The following LGR5 variants were observed in gnomAD, a reference collection of about 807,000 sequenced individuals.
LGR5 encodes leucine rich repeat containing G protein-coupled receptor 5.
LGR5 carries 54 observed loss-of-function variants against 76.7 expected under a neutral mutation model. The ratio of observed to expected loss-of-function variants is 0.70; its 90% CI spans 0.57 to 0.88. The LOEUF (loss-of-function observed/expected upper bound fraction) is 0.88, where lower values mean the gene tolerates loss of function less well. Ranked by LOEUF, LGR5 falls within the 40% of genes least tolerant of loss-of-function variation. The pLI is 0.00. For missense variants in LGR5, 1,078 were observed against 1,073.3 expected (o/e 1.00, Z -0.06); for synonymous variants, 406 against 421.9 (o/e 0.96, Z 0.46).
chr12:71,578,985 T>C (rs997218132), intron 15 of LGR5, 56 bp downstream of exon 15: 2 of 1,492,036 alleles, frequency 1.3e-6, no homozygotes, highest in African/African-American at 2.8e-5. Context: ...AAATAATAGA[T>C]GTATTATAGT....
chr12:71,471,416 G>A (rs1401165312), intron 1 of LGR5, among the ~76,000 whole-genome samples: 1 of 152,188 alleles, frequency 6.6e-6, no homozygotes, highest in African/African-American at 2.4e-5. Flanking sequence ...TATTCTGACA[G>A]AACTAGAGAC....
intron 1 of LGR5, among the ~76,000 whole-genome samples, chr12:71,500,193 T>G (rs1033612677): frequency 2.6e-5 from 4 of 151,968 alleles, no homozygotes; most frequent in African/African-American, 9.7e-5. Flanking sequence ...AACAAAAACA[T>G]TTTTAAGGGA....
intron 1 of LGR5, among the ~76,000 whole-genome samples, chr12:71,502,562 G>T (rs1874658260): frequency 6.6e-6 from 1 of 152,092 alleles, no homozygotes; most frequent in Non-Finnish European, 1.5e-5. Context: ...GCTAATCATA[G>T]GGTCTCAAGC....
In LGR5 at chr12:71,538,594, C is replaced by A. The variant is rs1244679072; in HGVS notation, c.428+3408C>A. ...GGAAAACTATTGACCTGACCTGGAG[C>A]ATTCCCTCAGATGATCTGCAAAGTA... On this transcript the variant is annotated intron_variant, in intron 4 of 17. Coordinates refer to ENST00000266674, the MANE Select transcript of LGR5 (RefSeq NM_003667.4). Among the ~76,000 whole-genome samples, 3 of 152,308 alleles carry A rather than the reference C, an allele frequency of 2.0e-5. No homozygotes were observed. In the East Asian group the frequency reaches 5.8e-4, roughly 29 times the overall value.
intron 1 of LGR5, among the ~76,000 whole-genome samples, chr12:71,443,271 T>C (rs1338926560): frequency 6.6e-6 from 1 of 152,224 alleles, no homozygotes; most frequent in Non-Finnish European, 1.5e-5. Context: ...ACACTATTTA[T>C]GTGCCATTTT....
chr12:71,456,392 C>T (rs1385003098), intron 1 of LGR5, among the ~76,000 whole-genome samples: 1 of 152,104 alleles, frequency 6.6e-6, no homozygotes, highest in East Asian at 1.9e-4. Context: ...AGAAAGCTGG[C>T]AGGGTTGTGT....
At chr12:71,492,994 C>CT (rs1565688715) in intron 1 of LGR5, among the ~76,000 whole-genome samples, 1 of 151,332 alleles carries the variant, frequency 6.6e-6, no homozygotes, top group African/African-American at 2.5e-5. Flanking sequence ...GGTCACCAAG[C>CT]TTTGGTCAGA....
At chr12:71,520,548 T>G (rs1875674659) in intron 2 of LGR5, among the ~76,000 whole-genome samples, 1 of 152,082 alleles carries the variant, frequency 6.6e-6, no homozygotes, top group East Asian at 1.9e-4. Flanking sequence ...TAAAAAAGGA[T>G]GAGTTTATGT....
At chr12:71,489,552 T>A (rs1873974621) in intron 1 of LGR5, among the ~76,000 whole-genome samples, 1 of 152,196 alleles carries the variant, frequency 6.6e-6, no homozygotes, top group Non-Finnish European at 1.5e-5. Context: ...GGCATGAAAG[T>A]CTTCTAATCC....
chr12:71,537,247 G>C (rs532723620), intron 4 of LGR5, among the ~76,000 whole-genome samples: 1 of 151,422 alleles, frequency 6.6e-6, no homozygotes, highest in Non-Finnish European at 1.5e-5. Flanking sequence ...TGGAGGCCAG[G>C]AGTTTGAGAT....
intron 1 of LGR5, among the ~76,000 whole-genome samples, chr12:71,472,462 G>A (rs1035104643): frequency 6.6e-6 from 1 of 152,068 alleles, no homozygotes; most frequent in Non-Finnish European, 1.5e-5. Context: ...GGCTCTCCCC[G>A]GAGCAAGTAT....
chr12:71,570,326 AT>A (rs910015711), intron 11 of LGR5, among the ~76,000 whole-genome samples: 39 of 152,166 alleles, frequency 2.6e-4, no homozygotes, highest in African/African-American at 4.1e-4. Context: ...AAATAAAATA[AT>A]TTTTTTTAAA....
chr12:71,569,225 A>G (rs546522400), intron 11 of LGR5, among the ~76,000 whole-genome samples: 1 of 152,368 alleles, frequency 6.6e-6, no homozygotes, highest in African/African-American at 2.4e-5. Flanking sequence ...AATCTAGTCA[A>G]TGTCATTCAG....
chr12:71,471,645 T>G (rs553520954), intron 1 of LGR5, among the ~76,000 whole-genome samples: 2 of 152,064 alleles, frequency 1.3e-5, no homozygotes, highest in Admixed American at 6.5e-5. Flanking sequence ...TGTTTTGTTT[T>G]TTTTTTTTTA....
At chr12:71,489,844 C>G (rs1343058561) in intron 1 of LGR5, among the ~76,000 whole-genome samples, 1 of 152,080 alleles carries the variant, frequency 6.6e-6, no homozygotes, top group Non-Finnish European at 1.5e-5. Flanking sequence ...GGGAGTATCC[C>G]TTGAGCCCAG....
intron 2 of LGR5, among the ~76,000 whole-genome samples, chr12:71,508,278 C>T (rs1289867553): frequency 1.3e-5 from 2 of 151,986 alleles, no homozygotes; most frequent in African/African-American, 4.8e-5. Flanking sequence ...TCACTCTTCC[C>T]CTTAGCTCTA....
chr12:71,514,323 CT>C (rs1182703609), intron 2 of LGR5, among the ~76,000 whole-genome samples: 1 of 151,932 alleles, frequency 6.6e-6, no homozygotes, highest in Non-Finnish European at 1.5e-5. Context: ...AATCCCAGCA[CT>C]TTGGGAGGCC....
chr12:71,565,422 C>CTATATATA (rs1209363296), intron 8 of LGR5, among the ~76,000 whole-genome samples: 218 of 13,946 alleles, frequency 0.016, 2 homozygotes, highest in Non-Finnish European at 0.058. Flanking sequence ...ATCAATTGAG[C>CTATATATA]TATATATATA....
In LGR5 at chr12:71,573,806, T is replaced by C. The variant is rs553485905; in HGVS notation, c.1208+885T>C. Among the ~76,000 whole-genome samples the C allele has an allele frequency of 2.0e-5, 3 of 152,052 alleles. No homozygotes were observed. The East Asian group carries it at 5.8e-4, about 29-fold the overall frequency. Reference sequence around the variant, plus strand: ...TCCCAAAAGTTTACCTTAATAACCTTAATAATTTCCTCCCAAAAGTTTACC... The same window carrying C: ...TCCCAAAAGTTTACCTTAATAACCTCAATAATTTCCTCCCAAAAGTTTACC... On this transcript the variant is annotated intron_variant, in intron 13 of 17. Coordinates refer to ENST00000266674, the MANE Select transcript of LGR5 (RefSeq NM_003667.4).
Sources: allele counts gnomAD v4.1 joint callset (sites outside exome capture counted in the v4.1 genomes callset), GRCh38; gene constraint gnomAD v4.1.1; transcripts MANE v1.5; gene names NCBI Gene and HGNC (gene_info 2026-07-23, HGNC 2026-07-21).